MGAT4D: variants seen among roughly 807,000 people sequenced by gnomAD.
The protein encoded by MGAT4D is MGAT4 family member D.
Under a neutral mutation model 15.9 loss-of-function variants are expected in MGAT4D, and 34 were observed. The ratio of observed to expected loss-of-function variants is 2.14; its 90% CI spans 1.62 to 2.84. The LOEUF is 2.84. Among genes scored for constraint, MGAT4D ranks in the 30% most tolerant of loss-of-function variants. The probability of loss-of-function intolerance (pLI) is 0.00; values close to 1 mark genes in which losing one functional copy is unlikely to be tolerated. For synonymous variants in MGAT4D, 112 were observed against 48.2 expected, an observed-to-expected ratio of 2.33 and a Z score of -5.49; for missense variants, 327 against 140.2, an observed-to-expected ratio of 2.33 and a Z score of -6.73.
chr4:140,480,703 C>T (rs1321314042), intron 2 of MGAT4D, among the ~76,000 whole-genome samples: 1 of 148,884 alleles, frequency 6.7e-6, no homozygotes, highest in Non-Finnish European at 1.5e-5. Flanking sequence ...ACAGCATGAG[C>T]AATATAGCAA....
At chr4:140,470,757 C>T (rs1731877976) in intron 5 of MGAT4D, among the ~76,000 whole-genome samples, 2 of 152,298 alleles carry the variant, frequency 1.3e-5, no homozygotes, top group South Asian at 4.1e-4. Context: ...TCAATTATTA[C>T]CTTCTCAGGA....
chr4:140,447,462 C>T (rs1319187329), intron 10 of MGAT4D, among the ~76,000 whole-genome samples: 1 of 152,022 alleles, frequency 6.6e-6, no homozygotes, highest in Non-Finnish European at 1.5e-5. Context: ...TATGTAATCC[C>T]TTCTTTGTCT....
chr4:140,445,057 T>TA (rs398108082), intron 10 of MGAT4D, among the ~76,000 whole-genome samples: 1 of 147,652 alleles, frequency 6.8e-6, no homozygotes, highest in Non-Finnish European at 1.5e-5. Flanking sequence ...AATGTTTGTA[T>TA]TTTTTTTAGT....
At chr4:140,466,324 T>A (rs539989973) in intron 5 of MGAT4D, among the ~76,000 whole-genome samples, 2 of 152,300 alleles carry the variant, frequency 1.3e-5, no homozygotes, top group South Asian at 4.1e-4. Flanking sequence ...TGAAATTATG[T>A]CACATAGGAA....
At chr4:140,469,158 C>T (rs1316358859) in intron 5 of MGAT4D, among the ~76,000 whole-genome samples, 1 of 152,172 alleles carries the variant, frequency 6.6e-6, no homozygotes, top group Admixed American at 6.5e-5. Context: ...TACATTCATT[C>T]TTTAAATATG....
At chr4:140,478,527 G>C (rs1159543951) in intron 3 of MGAT4D, among the ~76,000 whole-genome samples, 1 of 152,136 alleles carries the variant, frequency 6.6e-6, no homozygotes, top group Non-Finnish European at 1.5e-5. Context: ...TTACAAGTAT[G>C]AACTCAAGAA....
At chr4:140,464,384 C>T (rs1439486083) in intron 6 of MGAT4D, among the ~76,000 whole-genome samples, 1 of 152,112 alleles carries the variant, frequency 6.6e-6, no homozygotes, top group South Asian at 2.1e-4. Flanking sequence ...ATTTTATTCT[C>T]ATAATGACTC....
At chr4:140,471,508 G>A (rs1452687512) in intron 5 of MGAT4D, among the ~76,000 whole-genome samples, 1 of 151,862 alleles carries the variant, frequency 6.6e-6, no homozygotes, top group Non-Finnish European at 1.5e-5. Context: ...TAACTCAATG[G>A]GCTTCTCTCG....
intron 1 of MGAT4D, among the ~76,000 whole-genome samples, chr4:140,485,626 T>C (rs908561325): frequency 1.3e-5 from 2 of 148,820 alleles, no homozygotes; most frequent in African/African-American, 4.9e-5. Flanking sequence ...AATCCCACTG[T>C]TGGTTATGTA....
Position 140,464,880 on chromosome 4 carries a change from T to A in MGAT4D, c.686+16A>T. ...AAGTTAGTTATTTAAGGCTACTATT[T>A]TCTAATATGACATACCTGGCTAATT... On this transcript the variant is annotated intron_variant, in intron 6 of 10. Transcript: ENST00000511113. 1 of 701,268 alleles carries A rather than the reference T, an allele frequency of 1.4e-6. No individual in the cohort carries two copies. The highest frequency in any genetic ancestry group is 2.6e-6 in the Non-Finnish European group (1 of 384,418). The allele number at this position is 701,268 out of a possible 1,614,324, so 43.4% of individuals were successfully genotyped here.
At chr4:140,463,343 A>C in intron 6 of MGAT4D, among the ~76,000 whole-genome samples, 1 of 152,142 alleles carries the variant, frequency 6.6e-6, no homozygotes, top group Non-Finnish European at 1.5e-5. Flanking sequence ...TTTCTTGAGC[A>C]TAATCTGGGG....
At chr4:140,453,951 T>C (rs1730631678) in intron 9 of MGAT4D, among the ~76,000 whole-genome samples, 1 of 152,154 alleles carries the variant, frequency 6.6e-6, no homozygotes, top group Non-Finnish European at 1.5e-5. Flanking sequence ...GATGGAGTTT[T>C]GTGTGTATAG....
At chr4:140,495,436 C>T (rs564945683) in intron 1 of MGAT4D, among the ~76,000 whole-genome samples, 2 of 152,290 alleles carry the variant, frequency 1.3e-5, no homozygotes, top group African/African-American at 2.4e-5. Flanking sequence ...CCTTTGATGC[C>T]GTTCACTTGG....
At chr4:140,455,926 T>C (rs1730767009) in intron 9 of MGAT4D, among the ~76,000 whole-genome samples, 1 of 152,114 alleles carries the variant, frequency 6.6e-6, no homozygotes, top group East Asian at 1.9e-4. Context: ...GGCTTGAGCC[T>C]AGGAGCTTTA....
chr4:140,481,357 A>T (rs1329164832), intron 2 of MGAT4D, among the ~76,000 whole-genome samples: 1 of 152,150 alleles, frequency 6.6e-6, no homozygotes, highest in Non-Finnish European at 1.5e-5. Flanking sequence ...ACATTGCTGG[A>T]GGGAGTGAAA....
At chr4:140,496,895 A>AT (rs1406071450) in intron 1 of MGAT4D, among the ~76,000 whole-genome samples, 3 of 152,106 alleles carry the variant, frequency 2.0e-5, no homozygotes, top group Admixed American at 1.3e-4. Flanking sequence ...GAAATCATTT[A>AT]TTTTTTGTTA....
At chr4:140,485,105 T>TAAA (rs774978812) in intron 1 of MGAT4D, among the ~76,000 whole-genome samples, 6 of 152,328 alleles carry the variant, frequency 3.9e-5, no homozygotes, top group Non-Finnish European at 7.3e-5. Flanking sequence ...TGCACACGTA[T>TAAA]GTTTACTGCG....
intron 10 of MGAT4D, among the ~76,000 whole-genome samples, chr4:140,446,290 T>A (rs886871127): frequency 6.6e-6 from 1 of 152,170 alleles, no homozygotes; most frequent in Non-Finnish European, 1.5e-5. Flanking sequence ...TGTGAATCTG[T>A]CTGGTCCTGG....
rs1732210652 is a variant in MGAT4D at position 140,474,855 on chromosome 4, G to A, written c.483C>T (p.Leu161=). 1 of 697,906 alleles carries A rather than the reference G, an allele frequency of 1.4e-6. No individual in the cohort carries two copies. Among genetic ancestry groups the A allele is most frequent in the African/African-American group, 1.8e-5 (1 of 56,914 alleles). 43.2% of individuals were successfully genotyped at this position (697,906 alleles called of 1,614,324 possible). A position where few individuals can be genotyped will look rare whatever the true frequency, so the allele number is the denominator to read the frequency against. ...TCACTACAGAATCCTTCTCTTGGGA[G>A]AGCGTCATCCTGGAGACAACAGAGG... ...TLTSVVSRMT[L]SQEKDSVVIV... Residue 161 remains leucine, a synonymous_variant, in exon 4 of 11, where the codon CTC becomes CTT. Transcript: ENST00000511113.
Sources: gnomAD v4.1 joint callset for allele counts (sites outside exome capture counted in the v4.1 genomes callset) on GRCh38, gnomAD v4.1.1 for gene constraint, MANE v1.5 for transcripts, NCBI Gene and HGNC (gene_info 2026-07-23, HGNC 2026-07-21) for gene names.